The following MICAL2 variants were observed in gnomAD, a reference collection of about 807,000 sequenced individuals.
MICAL2 encodes the protein [F-actin]-monooxygenase MICAL2.
In MICAL2, 77 loss-of-function variants were observed where a neutral mutation model predicts 127.3. That is an observed-to-expected ratio of 0.60 (90% CI 0.50 to 0.73). MICAL2 has a LOEUF of 0.73. Ranked by LOEUF, MICAL2 falls within the 30% of genes least tolerant of loss-of-function variation. MICAL2 has a pLI of 0.00. For synonymous variants in MICAL2, 570 were observed against 551.1 expected (o/e 1.03, Z -0.48); for missense variants, 1,351 against 1,434.4 (o/e 0.94, Z 0.94).
chr11:12,276,248 C>G (rs573750616), intron 1 of MICAL2: 107 of 398,456 alleles, frequency 2.7e-4, no homozygotes, highest in African/African-American at 2.1e-3. Flanking sequence ...CTTCTCTCTA[C>G]TTGCTTGCAG....
chr11:12,195,491 T>C (rs1286451009), intron 3 of MICAL2, among the ~76,000 whole-genome samples: 1 of 152,156 alleles, frequency 6.6e-6, no homozygotes, highest in African/African-American at 2.4e-5. Flanking sequence ...TATTTGGATG[T>C]CTTGCAGCTT....
chr11:12,290,265 G>T (rs1241520350), downstream of MICAL2, among the ~76,000 whole-genome samples: 1 of 152,182 alleles, frequency 6.6e-6, no homozygotes, highest in Admixed American at 6.5e-5. Flanking sequence ...CCCTAGCAGG[G>T]GTGGGAGTGG....
At chr11:12,256,568 C>T in intron 23 of MICAL2, 1 of 458,694 alleles carries the variant, frequency 2.2e-6, no homozygotes, top group Non-Finnish European at 3.8e-6. Context: ...TGTCTCGGGC[C>T]TGTCTGGGAG....
intron 2 of MICAL2, among the ~76,000 whole-genome samples, chr11:12,144,576 C>T (rs1281240100): frequency 5.3e-5 from 8 of 152,122 alleles, no homozygotes; most frequent in African/African-American, 1.4e-4. Flanking sequence ...CAGAGGTCTG[C>T]GTTGTTCTCA....
chr11:12,264,272 A>G (rs982723192), downstream of MICAL2, among the ~76,000 whole-genome samples: 1 of 152,154 alleles, frequency 6.6e-6, no homozygotes, highest in Non-Finnish European at 1.5e-5. Context: ...CTGGGCATCA[A>G]TATTAGGATG....
intron 29 of MICAL2, among the ~76,000 whole-genome samples, chr11:12,311,463 G>A (rs1408361640): frequency 3.3e-5 from 5 of 152,042 alleles, no homozygotes; most frequent in Non-Finnish European, 2.9e-5. Flanking sequence ...CCAGGCTGGA[G>A]TGCAGTGGCA....
chr11:12,203,551 A>C (rs1164617639), intron 3 of MICAL2, among the ~76,000 whole-genome samples: 1 of 152,178 alleles, frequency 6.6e-6, no homozygotes, highest in Non-Finnish European at 1.5e-5. Context: ...GACCATTTGT[A>C]TATCTTCTCT....
intron 4 of MICAL2, among the ~76,000 whole-genome samples, chr11:12,205,263 G>A (rs1396398034): frequency 6.6e-6 from 1 of 152,154 alleles, no homozygotes; most frequent in East Asian, 1.9e-4. Flanking sequence ...TTTGGGAAAG[G>A]CAGCCTTCCT....
At chr11:12,351,695 G>T (rs1042123596) in intron 33 of MICAL2, among the ~76,000 whole-genome samples, 1 of 152,138 alleles carries the variant, frequency 6.6e-6, no homozygotes, top group Non-Finnish European at 1.5e-5. Context: ...GAGGTGGCCC[G>T]GAGTTACATT....
intron 21 of MICAL2, among the ~76,000 whole-genome samples, chr11:12,247,214 C>G (rs1860877576): frequency 6.6e-6 from 1 of 152,194 alleles, no homozygotes; most frequent in Non-Finnish European, 1.5e-5. Flanking sequence ...GCATGTAAAC[C>G]CTCACACTCA....
At chr11:12,309,584 T>C (rs1864149098) in intron 29 of MICAL2, among the ~76,000 whole-genome samples, 1 of 152,198 alleles carries the variant, frequency 6.6e-6, no homozygotes, top group South Asian at 2.1e-4. Flanking sequence ...CATCTGTTTA[T>C]GGACACTTAG....
At chr11:12,180,774 T>TATCTAGA (rs11282087) in intron 3 of MICAL2, among the ~76,000 whole-genome samples, 1 of 151,536 alleles carries the variant, frequency 6.6e-6, no homozygotes, top group African/African-American at 2.4e-5. Context: ...TAGACTTTAG[T>TATCTAGA]TGCTCAACCT....
At chr11:12,146,816 G>C (rs1307105583) in intron 2 of MICAL2, among the ~76,000 whole-genome samples, 1 of 152,170 alleles carries the variant, frequency 6.6e-6, no homozygotes. Context: ...CAACCCAAAT[G>C]TCCATCAATG....
chr11:12,354,566 G>A (rs1939102788), intron 33 of MICAL2, among the ~76,000 whole-genome samples: 1 of 152,068 alleles, frequency 6.6e-6, no homozygotes, highest in Non-Finnish European at 1.5e-5. Context: ...TGGACCTGGG[G>A]GGCGAAGGTT....
At chr11:12,238,267 G>A (rs977399654) in intron 16 of MICAL2, among the ~76,000 whole-genome samples, 1 of 152,200 alleles carries the variant, frequency 6.6e-6, no homozygotes, top group African/African-American at 2.4e-5. Context: ...AGGCCTGTGG[G>A]AGGAGATCCC....
At chr11:12,125,637 G>A (rs1850858948) in intron 1 of MICAL2, among the ~76,000 whole-genome samples, 1 of 152,202 alleles carries the variant, frequency 6.6e-6, no homozygotes, top group Non-Finnish European at 1.5e-5. Flanking sequence ...TGGGTGCAGA[G>A]AAGTGTGTCT....
At chr11:12,226,052 T>C (rs374780279) in intron 13 of MICAL2, 119 bp from the exon 14 acceptor site, 4 of 937,174 alleles carry the variant, frequency 4.3e-6, no homozygotes, top group East Asian at 2.4e-5. Flanking sequence ...TCCTCCCCTG[T>C]AACCTGCCGA....
chr11:12,196,352 T>C (rs1313330579), intron 3 of MICAL2, among the ~76,000 whole-genome samples: 5 of 151,814 alleles, frequency 3.3e-5, no homozygotes, highest in African/African-American at 1.2e-4. Flanking sequence ...ATGTGAGTAA[T>C]GCGTATTGAA....
At chr11:12,331,527 G>A (rs1864428578) in intron 32 of MICAL2, among the ~76,000 whole-genome samples, 1 of 152,160 alleles carries the variant, frequency 6.6e-6, no homozygotes, top group Non-Finnish European at 1.5e-5. Context: ...AGCCTCTCCA[G>A]GACCGGGGAG....
Sources: gnomAD v4.1 joint callset for allele counts (sites outside exome capture counted in the v4.1 genomes callset) on GRCh38, gnomAD v4.1.1 for gene constraint, MANE v1.5 for transcripts, NCBI Gene and HGNC (gene_info 2026-07-23, HGNC 2026-07-21) for gene names.